CCDC73: variants seen among roughly 807,000 people sequenced by gnomAD.
CCDC73 encodes the protein coiled-coil domain-containing protein 73.
Under a neutral mutation model 116.5 loss-of-function variants are expected in CCDC73, and 95 were observed. The ratio of observed to expected loss-of-function variants is 0.82; its 90% CI spans 0.69 to 0.97. The LOEUF (loss-of-function observed/expected upper bound fraction) is 0.97. Ranked by LOEUF, CCDC73 falls within the 50% of genes least tolerant of loss-of-function variation. CCDC73 has a pLI of 0.00. For synonymous variants in CCDC73, 398 were observed against 401.3 expected (o/e 0.99, Z 0.10); for missense variants, 1,066 against 1,206.8 (o/e 0.88, Z 1.73).
chr11:32,684,478 G>T (rs1856175924), intron 6 of CCDC73, among the ~76,000 whole-genome samples: 1 of 152,106 alleles, frequency 6.6e-6, no homozygotes, highest in African/African-American at 2.4e-5. Flanking sequence ...ACAAATTAAT[G>T]TACAATATAG....
chr11:32,662,703 T>C (rs1448967710), intron 9 of CCDC73, among the ~76,000 whole-genome samples: 1 of 152,226 alleles, frequency 6.6e-6, no homozygotes, highest in Admixed American at 6.5e-5. Flanking sequence ...TAGATCCCAA[T>C]TGTCAATGTT....
intron 1 of CCDC73, 105 bp from the exon 2 acceptor site, chr11:32,760,363 T>C: frequency 1.6e-6 from 1 of 641,288 alleles, no homozygotes; most frequent in Non-Finnish European, 2.6e-6. Context: ...AATCCTCCAA[T>C]TTCAGCACTG....
At chr11:32,625,308 T>C (rs142332216) in intron 14 of CCDC73, among the ~76,000 whole-genome samples, 5,190 of 152,322 alleles carry the variant, frequency 0.034, 118 homozygotes, top group Non-Finnish European at 0.052. Flanking sequence ...ATGTGTGAAG[T>C]TGATCCTGTC....
At chr11:32,724,409 T>C (rs1850014116) in intron 2 of CCDC73, among the ~76,000 whole-genome samples, 1 of 152,192 alleles carries the variant, frequency 6.6e-6, no homozygotes, top group South Asian at 2.1e-4. Context: ...GTGATGCCCA[T>C]TAAATTTTCA....
At chr11:32,750,032 G>A (rs1055540267) in intron 2 of CCDC73, among the ~76,000 whole-genome samples, 20 of 99,322 alleles carry the variant, frequency 2.0e-4, no homozygotes, top group East Asian at 7.0e-4. Context: ...CACTACGCCC[G>A]GCTAATTTTT....
At chr11:32,688,914 G>T (rs1856229142) in intron 6 of CCDC73, among the ~76,000 whole-genome samples, 1 of 152,160 alleles carries the variant, frequency 6.6e-6, no homozygotes, top group Admixed American at 6.5e-5. Context: ...AGTCAGAGTT[G>T]TAAGTATGCA....
At chr11:32,689,678 T>C (rs1184241259) in intron 6 of CCDC73, among the ~76,000 whole-genome samples, 1 of 152,102 alleles carries the variant, frequency 6.6e-6, no homozygotes, top group Non-Finnish European at 1.5e-5. Flanking sequence ...ATATGGCAGA[T>C]AAAACATAGT....
chr11:32,606,664 A>C (rs1047576268), intron 17 of CCDC73, among the ~76,000 whole-genome samples: 3 of 152,206 alleles, frequency 2.0e-5, no homozygotes, highest in African/African-American at 7.2e-5. Context: ...CATTTGACTA[A>C]GAGCCACAAT....
chr11:32,728,544 C>G (rs553115920), intron 2 of CCDC73, among the ~76,000 whole-genome samples: 1 of 152,152 alleles, frequency 6.6e-6, no homozygotes, highest in African/African-American at 2.4e-5. Flanking sequence ...ATATTTAGAT[C>G]CCAAGATCTG....
At position 32,603,218 on chromosome 11, in the gene CCDC73, T is replaced by C. The variant is rs945294906; in HGVS notation, c.3031-198A>G. ...TGTAGTAGATCTTCAAAATCTCTAA[T>C]ATATAACTGAAGTAAAGTGTACAAA... On this transcript the variant is annotated intron_variant, in intron 17 of 17. Transcript: ENST00000335185. 8 of 487,518 alleles carry C rather than the reference T, an allele frequency of 1.6e-5. No homozygotes were observed. In the South Asian group the frequency reaches 3.1e-4, roughly 19 times the overall value. The allele number at this position is 487,518 out of a possible 1,614,324, so 30.2% of individuals were successfully genotyped here. A position where few individuals can be genotyped will look rare whatever the true frequency, so the allele number is the denominator to read the frequency against.
At chr11:32,654,643 C>T (rs548131649) in intron 10 of CCDC73, among the ~76,000 whole-genome samples, 2 of 152,278 alleles carry the variant, frequency 1.3e-5, no homozygotes, top group South Asian at 4.2e-4. Context: ...AAACCATATT[C>T]AAGTAGAAAT....
At chr11:32,777,473 G>C (rs918397832) in intron 1 of CCDC73, among the ~76,000 whole-genome samples, 1 of 151,998 alleles carries the variant, frequency 6.6e-6, no homozygotes, top group Non-Finnish European at 1.5e-5. Context: ...GACAATAAAT[G>C]TTAAGTTTAA....
intron 1 of CCDC73, among the ~76,000 whole-genome samples, chr11:32,789,323 A>C (rs1165735735): frequency 6.6e-6 from 1 of 152,234 alleles, no homozygotes; most frequent in Admixed American, 6.5e-5. Context: ...TGTAAACCTG[A>C]CCTTGTTAAA....
intron 1 of CCDC73, among the ~76,000 whole-genome samples, chr11:32,770,440 T>C (rs1850483195): frequency 1.3e-5 from 2 of 150,708 alleles, no homozygotes; most frequent in African/African-American, 4.9e-5. Context: ...AGATACACGA[T>C]GGGAAGAATT....
intron 2 of CCDC73, among the ~76,000 whole-genome samples, chr11:32,747,111 G>A (rs1441084049): frequency 6.6e-6 from 1 of 152,156 alleles, no homozygotes; most frequent in Non-Finnish European, 1.5e-5. Flanking sequence ...TGGTGTTTTG[G>A]TGTGAACGTC....
intron 9 of CCDC73, among the ~76,000 whole-genome samples, chr11:32,658,785 A>C (rs1305478853): frequency 6.6e-6 from 1 of 152,216 alleles, no homozygotes; most frequent in Non-Finnish European, 1.5e-5. Context: ...TTCTAAAAAA[A>C]AATATAATAG....
chr11:32,648,817 C>T (rs1855801756), intron 12 of CCDC73, among the ~76,000 whole-genome samples: 1 of 152,226 alleles, frequency 6.6e-6, no homozygotes, highest in Admixed American at 6.5e-5. Flanking sequence ...TCCCAAAGCG[C>T]TGGGACCACA....
intron 2 of CCDC73, among the ~76,000 whole-genome samples, chr11:32,724,729 A>G (rs1476193119): frequency 6.6e-6 from 1 of 152,178 alleles, no homozygotes; most frequent in African/African-American, 2.4e-5. Flanking sequence ...AACTGAAGAT[A>G]TATGCTTTCC....
At chr11:32,829,152 A>C in the CCDC73 span, among the ~76,000 whole-genome samples, 2 of 152,232 alleles carry the variant, frequency 1.3e-5, no homozygotes, top group African/African-American at 4.8e-5. Flanking sequence ...ACTGAGAACA[A>C]ATTTTATTAA....
Sources: gnomAD v4.1 joint callset for allele counts (sites outside exome capture counted in the v4.1 genomes callset) on GRCh38, gnomAD v4.1.1 for gene constraint, MANE v1.5 for transcripts, NCBI Gene and HGNC (gene_info 2026-07-23, HGNC 2026-07-21) for gene names.